BLNK: variants seen among roughly 807,000 people sequenced by gnomAD.
BLNK encodes the protein B cell linker, also known as B-cell linker protein.
Under a neutral mutation model 73.5 loss-of-function variants are expected in BLNK, and 29 were observed. That is an observed-to-expected ratio of 0.39 (90% CI 0.29 to 0.54). The LOEUF (loss-of-function observed/expected upper bound fraction) is 0.54. Among genes scored for constraint, BLNK ranks in the 20% least tolerant of loss-of-function variants. The pLI is 0.61. For synonymous variants in BLNK, 176 were observed against 200.8 expected (o/e 0.88, Z 1.04); for missense variants, 460 against 562.8 (o/e 0.82, Z 1.85).
intron 13 of BLNK, among the ~76,000 whole-genome samples, chr10:96,203,201 G>A (rs1316558997): frequency 6.6e-6 from 1 of 152,074 alleles, no homozygotes; most frequent in Non-Finnish European, 1.5e-5. Context: ...GACTTGGTTT[G>A]AAAAACGGTA....
intron 1 of BLNK, among the ~76,000 whole-genome samples, chr10:96,258,602 G>A (rs1554911826): frequency 6.6e-6 from 1 of 152,092 alleles, no homozygotes; most frequent in Non-Finnish European, 1.5e-5. Flanking sequence ...GCTAGAGAAG[G>A]TGGGGGGTAC....
chr10:96,199,046 C>T (rs917978701), intron 15 of BLNK, among the ~76,000 whole-genome samples: 4 of 152,116 alleles, frequency 2.6e-5, no homozygotes, highest in Non-Finnish European at 5.9e-5. Flanking sequence ...AATGTAAACA[C>T]GATTTTTCCT....
intron 1 of BLNK, among the ~76,000 whole-genome samples, chr10:96,251,379 A>G (rs1554909081): frequency 1.3e-5 from 2 of 152,238 alleles, no homozygotes; most frequent in Non-Finnish European, 2.9e-5. Flanking sequence ...TGCCATAGCA[A>G]AAGAATGCAC....
At chr10:96,243,470 C>T (rs1049009410) in intron 2 of BLNK, among the ~76,000 whole-genome samples, 7 of 152,056 alleles carry the variant, frequency 4.6e-5, no homozygotes, top group African/African-American at 1.7e-4. Flanking sequence ...TCACTTGGGC[C>T]CCAGAGGTCA....
intron 2 of BLNK, among the ~76,000 whole-genome samples, chr10:96,243,569 A>T (rs1032201188): frequency 6.6e-6 from 1 of 152,144 alleles, no homozygotes; most frequent in Non-Finnish European, 1.5e-5. Context: ...AAAGCCGAAC[A>T]AGTGAACAGT....
chr10:96,223,815 A>AC lies in BLNK; in HGVS notation c.525+10_525+11insG, dbSNP rs1554901748. ...GTGTCCTGGGAAGCCTTTGGCACAG[A>AC]TTTACTTTACCTCATCCTCAAGGAG... On this transcript the variant is annotated intron_variant, in intron 6 of 16. Transcript: ENST00000224337. 28 of 1,613,304 alleles carry AC rather than the reference A, an allele frequency of 1.7e-5. No homozygotes were observed. The highest frequency in any genetic ancestry group is 2.4e-5 in the Non-Finnish European group (28 of 1,179,944).
intron 1 of BLNK, among the ~76,000 whole-genome samples, chr10:96,263,953 G>A (rs188789940): frequency 7.7e-4 from 117 of 152,330 alleles, no homozygotes; most frequent in African/African-American, 2.7e-3. Flanking sequence ...TCACACTTCA[G>A]GGTTCTCTGC....
chr10:96,230,728 A>C, intron 4 of BLNK, 66 bp downstream of exon 4: 1 of 1,534,922 alleles, frequency 6.5e-7, no homozygotes, highest in Non-Finnish European at 8.9e-7. Flanking sequence ...TAATTCAGAA[A>C]TAAGATCTTC....
intron 1 of BLNK, among the ~76,000 whole-genome samples, chr10:96,257,754 C>T (rs996965191): frequency 6.6e-6 from 1 of 152,194 alleles, no homozygotes; most frequent in Non-Finnish European, 1.5e-5. Context: ...AGTGTGTGCA[C>T]ACTGGGCATG....
intron 1 of BLNK, among the ~76,000 whole-genome samples, chr10:96,268,256 A>G (rs902734176): frequency 2.6e-5 from 4 of 152,248 alleles, no homozygotes; most frequent in Non-Finnish European, 5.9e-5. Flanking sequence ...AGTTAGTTTT[A>G]CTAATTTGAA....
At chr10:96,236,073 CTG>C (rs769326372) in intron 3 of BLNK, among the ~76,000 whole-genome samples, 109 of 152,210 alleles carry the variant, frequency 7.2e-4, no homozygotes, top group Non-Finnish European at 2.1e-4. Flanking sequence ...GTACAGGACT[CTG>C]TGGTGGTGGC....
chr10:96,260,930 A>G (rs1394736897), intron 1 of BLNK, among the ~76,000 whole-genome samples: 10 of 152,068 alleles, frequency 6.6e-5, no homozygotes, highest in Middle Eastern at 3.4e-3. Context: ...TAAAGCCTCA[A>G]CCTCCCTGGC....
chr10:96,209,095 T>C (rs1312131578), intron 9 of BLNK, among the ~76,000 whole-genome samples: 1 of 152,232 alleles, frequency 6.6e-6, no homozygotes, highest in Non-Finnish European at 1.5e-5. Flanking sequence ...TACAAAGCCC[T>C]TCTAAATTCA....
chr10:96,197,166 G>T, intron 15 of BLNK, 103 bp from the exon 16 acceptor site: 1 of 845,692 alleles, frequency 1.2e-6, no homozygotes, highest in South Asian at 1.8e-5. Context: ...ACATTCCAAA[G>T]GTAAATTATT....
Position 96,207,029 on chromosome 10 carries a change from C to G in BLNK, c.799G>C (p.Ala267Pro). ...ATTTTACCTTCACAAACACTTGAAG[C>G]ATTCTGTTGAGAGGCAACTGGAGTC... ...KTTPVASQQN[A>P]SSVCEEKPIP... The change falls in exon 11 of 17, where the codon GCT becomes CCT. Residue 267 changes from alanine (A) to proline (P), a missense_variant. Around this residue, in one of 3 missense-constraint regions of BLNK, gnomAD observed 233 missense variants for 232.1 expected, o/e 1.00. Transcript: ENST00000224337. The G allele has an allele frequency of 6.2e-7, 1 of 1,613,990 alleles. No homozygotes were observed. Among genetic ancestry groups the G allele is most frequent in the Non-Finnish European group, 8.5e-7 (1 of 1,179,920 alleles).
intron 1 of BLNK, among the ~76,000 whole-genome samples, chr10:96,250,883 T>C (rs1018475197): frequency 1.1e-4 from 16 of 152,246 alleles, no homozygotes; most frequent in African/African-American, 3.6e-4. Flanking sequence ...GCATAAACTA[T>C]ACTTTTTAAA....
At chr10:96,261,162 CA>C (rs1232632924) in intron 1 of BLNK, among the ~76,000 whole-genome samples, 5 of 151,594 alleles carry the variant, frequency 3.3e-5, no homozygotes, top group African/African-American at 1.2e-4. Context: ...TCTAGTGGGT[CA>C]AAAAAATATA....
At chr10:96,209,045 G>A (rs1229825951) in intron 9 of BLNK, among the ~76,000 whole-genome samples, 5 of 152,134 alleles carry the variant, frequency 3.3e-5, no homozygotes, top group South Asian at 2.1e-4. Flanking sequence ...ACGGGGTGAC[G>A]TTTGTAATAT....
chr10:96,203,985 C>T (rs1554896806), intron 13 of BLNK, 72 bp downstream of exon 13: 9 of 1,345,050 alleles, frequency 6.7e-6, no homozygotes, highest in Middle Eastern at 1.8e-4. Flanking sequence ...TGTGTTAGAA[C>T]CCAGGCCTAT....
Sources: allele counts gnomAD v4.1 joint callset (sites outside exome capture counted in the v4.1 genomes callset), GRCh38; gene constraint gnomAD v4.1.1; regional missense constraint gnomAD v4.1.1; transcripts MANE v1.5; gene names NCBI Gene and HGNC (gene_info 2026-07-23, HGNC 2026-07-21).